Variants in KLF8 observed in about 807,000 individuals in gnomAD.
The protein encoded by KLF8 is Krueppel-like factor 8.
A neutral mutation model predicts 18.2 loss-of-function variants in KLF8; 10 were observed. That is an observed-to-expected ratio of 0.55 (90% confidence interval 0.34 to 0.93). KLF8 has a LOEUF of 0.93. Among genes scored for constraint, KLF8 ranks in the 40% least tolerant of loss-of-function variants. The pLI, the probability that KLF8 is intolerant of heterozygous loss-of-function variation, is 0.02. For missense variants in KLF8, 264 were observed against 277.9 expected, an observed-to-expected ratio of 0.95 and a Z score of 0.36; for synonymous variants, 109 against 97.3, an observed-to-expected ratio of 1.12 and a Z score of -0.71.
the KLF8 span, among the ~76,000 whole-genome samples, chrX:56,173,336 G>A: frequency 8.9e-6 from 1 of 111,847 alleles, no homozygotes; most frequent in African/African-American, 3.3e-5. Flanking sequence ...AGTTTTCCCA[G>A]CACCTTTTGT....
At chrX:56,099,632 TC>T in the KLF8 span, among the ~76,000 whole-genome samples, 1 of 98,466 alleles carries the variant, frequency 1.0e-5, no homozygotes, top group African/African-American at 5.5e-5. Flanking sequence ...AAAGGATGAC[TC>T]TGGTAAACAC....
chrX:56,263,173 C>A (rs1038703369), intron 2 of KLF8, among the ~76,000 whole-genome samples: 1 of 111,440 alleles, frequency 9.0e-6, no homozygotes, highest in Non-Finnish European at 1.9e-5. Flanking sequence ...ATCTTGACAA[C>A]TTCCTCTCCC....
At chrX:55,955,744 C>T in the KLF8 span, among the ~76,000 whole-genome samples, 1 of 111,561 alleles carries the variant, frequency 9.0e-6, no homozygotes, top group Non-Finnish European at 1.9e-5. Flanking sequence ...AAGACAGGGA[C>T]AGAGTCTTCC....
intron 1 of KLF8, among the ~76,000 whole-genome samples, chrX:56,234,807 G>C (rs745438898): frequency 8.0e-5 from 9 of 112,439 alleles, no homozygotes; most frequent in Non-Finnish European, 1.3e-4. Flanking sequence ...GTTGACCTTT[G>C]GTGACTGCTG....
At chrX:56,079,784 A>C in the KLF8 span, among the ~76,000 whole-genome samples, 6 of 109,058 alleles carry the variant, frequency 5.5e-5, no homozygotes, top group Admixed American at 9.8e-5. Flanking sequence ...TGGGAGTCTA[A>C]GTCTCTTTGT....
the KLF8 span, among the ~76,000 whole-genome samples, chrX:56,083,171 G>A: frequency 8.9e-6 from 1 of 111,802 alleles, no homozygotes; most frequent in Non-Finnish European, 1.9e-5. Flanking sequence ...TGGCTTGATG[G>A]TGTCCCCTAA....
At chrX:56,179,894 G>C in the KLF8 span, among the ~76,000 whole-genome samples, 1 of 111,806 alleles carries the variant, frequency 8.9e-6, no homozygotes, top group Non-Finnish European at 1.9e-5. Context: ...CAGTTTGCCA[G>C]TATTTTATTG....
chrX:56,005,946 C>T, the KLF8 span, among the ~76,000 whole-genome samples: 4 of 112,197 alleles, frequency 3.6e-5, no homozygotes, highest in Non-Finnish European at 5.6e-5. Flanking sequence ...ATTGGGCATC[C>T]GAGGCTGCAC....
At chrX:56,062,649 A>G in the KLF8 span, among the ~76,000 whole-genome samples, 1 of 110,259 alleles carries the variant, frequency 9.1e-6, no homozygotes, top group Non-Finnish European at 1.9e-5. Context: ...GGTGAATCTG[A>G]TGATTCTTAA....
the KLF8 span, among the ~76,000 whole-genome samples, chrX:56,170,481 C>G: frequency 0.013 from 1,450 of 109,727 alleles, 21 homozygotes; most frequent in African/African-American, 0.046. Flanking sequence ...ACAAATGTAA[C>G]AAAGAGATTG....
At chrX:55,908,656 A>G in the KLF8 span, 2 of 284,159 alleles carry the variant, frequency 7.0e-6, no homozygotes, top group Admixed American at 1.3e-4. Context: ...GTCGGTGCCC[A>G]TTCCCCCTAA....
At chrX:56,045,111 G>A in the KLF8 span, among the ~76,000 whole-genome samples, 8 of 111,661 alleles carry the variant, frequency 7.2e-5, no homozygotes, top group East Asian at 2.8e-4. Context: ...GTTCATCTAC[G>A]TATGGCTTGC....
At chrX:56,187,180 A>G in the KLF8 span, among the ~76,000 whole-genome samples, 1 of 111,964 alleles carries the variant, frequency 8.9e-6, no homozygotes, top group Non-Finnish European at 1.9e-5. Context: ...ATAAAAAATG[A>G]TAAAGGGGAT....
the KLF8 span, among the ~76,000 whole-genome samples, chrX:56,080,550 A>C: frequency 9.0e-6 from 1 of 111,421 alleles, no homozygotes; most frequent in Non-Finnish European, 1.9e-5. Context: ...CTTTGAGGGT[A>C]ACCCGACCTT....
the KLF8 span, among the ~76,000 whole-genome samples, chrX:56,198,499 G>A: frequency 2.7e-5 from 3 of 111,757 alleles, no homozygotes; most frequent in African/African-American, 6.5e-5. Context: ...TTGCTACAAA[G>A]AGAATAAAAT....
the KLF8 span, among the ~76,000 whole-genome samples, chrX:56,182,360 G>T: frequency 8.9e-6 from 1 of 112,071 alleles, no homozygotes; most frequent in Non-Finnish European, 1.9e-5. Flanking sequence ...TTAACCATTT[G>T]TCTAATCTTT....
At chrX:56,086,851 A>G in the KLF8 span, among the ~76,000 whole-genome samples, 1 of 111,371 alleles carries the variant, frequency 9.0e-6, no homozygotes, top group Admixed American at 9.5e-5. Context: ...GTACCAGTAG[A>G]TTCCCAAAAC....
chrX:55,982,021 A>G, the KLF8 span, among the ~76,000 whole-genome samples: 1 of 110,792 alleles, frequency 9.0e-6, no homozygotes, highest in East Asian at 2.8e-4. Context: ...AAGAAGGGCC[A>G]TAATGGAATC....
the KLF8 span, among the ~76,000 whole-genome samples, chrX:56,144,669 C>T: frequency 2.9e-5 from 3 of 103,513 alleles, no homozygotes; most frequent in African/African-American, 1.0e-4. Context: ...AGGAGAATCG[C>T]TTGAACCCGG....
Sources: allele counts gnomAD v4.1 joint callset (sites outside exome capture counted in the v4.1 genomes callset), GRCh38; gene constraint gnomAD v4.1.1; transcripts MANE v1.5; gene names NCBI Gene and HGNC (gene_info 2026-07-23, HGNC 2026-07-21).